RB1: variants seen among roughly 807,000 people sequenced by gnomAD.
The protein encoded by RB1 is retinoblastoma-associated protein.
A neutral mutation model predicts 135.4 loss-of-function variants in RB1; 18 were observed. That is an observed-to-expected ratio of 0.13 (90% CI 0.09 to 0.20). The LOEUF (loss-of-function observed/expected upper bound fraction) is 0.20. Ranked by LOEUF, RB1 falls within the 10% of genes least tolerant of loss-of-function variation. The pLI is 1.00. For synonymous variants in RB1, 365 were observed against 373.2 expected, an observed-to-expected ratio of 0.98 and a Z score of 0.25; for missense variants, 868 against 1,110.0, an observed-to-expected ratio of 0.78 and a Z score of 3.10.
In RB1 at chr13:48,475,667, C is replaced by T. The variant is rs546370062; in HGVS notation, c.2521-1034C>T. On this transcript the variant is annotated intron_variant, in intron 24 of 26. Transcript: ENST00000267163. ...GAAGCAAGACAACAGTAGATCTAGC[C>T]CACACACGAGGGGAGGAGGATCACA... 7.9e-5 allele frequency among the ~76,000 whole-genome samples: 12 copies of T among 152,226 alleles called. No individual in the cohort carries two copies. The South Asian group carries it at 1.2e-3, about 16-fold the overall frequency.
intron 17 of RB1, chr13:48,423,914 C>T (rs1055589883): frequency 2.6e-5 from 4 of 152,390 alleles, no homozygotes; most frequent in Admixed American, 6.5e-5. Context: ...CATAACGAGA[C>T]ACTGTCTCTT....
chr13:48,412,482 G>A lies in RB1; in HGVS notation c.1695+31039G>A. 5 of 1,117,812 alleles carry A rather than the reference G, an allele frequency of 4.5e-6. No homozygotes were observed. In the South Asian group the frequency reaches 6.2e-5, roughly 14 times the overall value. 69.2% of individuals were successfully genotyped at this position (1,117,812 alleles called of 1,614,324 possible). ...ACTTTCATCAGCTGCAGTCTCCTTT[G>A]GGATTCAGATTATAACCTCTATAAC... On this transcript the variant is annotated intron_variant, in intron 17 of 26. Coordinates refer to ENST00000267163, the MANE Select transcript of RB1 (RefSeq NM_000321.3).
chr13:48,464,735 G>A (rs2138343978), intron 21 of RB1, among the ~76,000 whole-genome samples: 1 of 152,064 alleles, frequency 6.6e-6, no homozygotes, highest in East Asian at 1.9e-4. Context: ...TTCTTGGATG[G>A]CCAGCTCTTC....
chr13:48,324,404 A>G (rs866784666), intron 2 of RB1, among the ~76,000 whole-genome samples: 3 of 148,416 alleles, frequency 2.0e-5, no homozygotes. Flanking sequence ...GGTAATCATC[A>G]TTCTACTCTG....
intron 9 of RB1, among the ~76,000 whole-genome samples, chr13:48,365,651 A>G (rs1787775517): frequency 6.6e-6 from 1 of 152,246 alleles, no homozygotes; most frequent in Non-Finnish European, 1.5e-5. Flanking sequence ...TATGACCAAA[A>G]GGCATGAAAT....
chr13:48,473,342 T>C lies in RB1; in HGVS notation c.2490-18T>C, dbSNP rs1949483936. The C allele has an allele frequency of 1.3e-6, 2 of 1,563,290 alleles. No homozygotes were observed. The highest frequency in any genetic ancestry group is 4.5e-5 in the East Asian group (2 of 44,450). ...ATGGTTTTTTATTACTAATTGGTAT[T>C]TCATCTTAACTTGACAGAATCTTAG... On this transcript the variant is annotated intron_variant, in intron 23 of 26. Coordinates refer to ENST00000267163, the MANE Select transcript of RB1 (RefSeq NM_000321.3).
At chr13:48,373,567 G>C in intron 12 of RB1, 75 bp downstream of exon 12, 1 of 959,806 alleles carries the variant, frequency 1.0e-6, no homozygotes, top group Non-Finnish European at 1.7e-6. Context: ...AAAGTACTGA[G>C]TTCTTTTTAA....
intron 17 of RB1, chr13:48,411,726 A>C: frequency 6.2e-7 from 1 of 1,606,916 alleles, no homozygotes; most frequent in Non-Finnish European, 8.5e-7. Context: ...GATCAAATGT[A>C]CAAAAATCAT....
At chr13:48,412,306 A>G (rs1948827744) in intron 17 of RB1, 19 of 1,613,358 alleles carry the variant, frequency 1.2e-5, no homozygotes, top group Middle Eastern at 1.6e-4. Context: ...ATGAAAATGT[A>G]TATGGCAACA....
At chr13:48,420,744 T>A (rs138687108) in intron 17 of RB1, among the ~76,000 whole-genome samples, 1,649 of 151,978 alleles carry the variant, frequency 0.011, 30 homozygotes, top group African/African-American at 0.038. Flanking sequence ...ACAACAATAA[T>A]AGACAAACAG....
At chr13:48,477,930 TG>T (rs1949514036) in intron 26 of RB1, among the ~76,000 whole-genome samples, 1 of 152,140 alleles carries the variant, frequency 6.6e-6, no homozygotes, top group Non-Finnish European at 1.5e-5. Flanking sequence ...AGTGATATCA[TG>T]TTAGGGTAAG....
chr13:48,394,506 GA>G (rs1322587736), intron 17 of RB1, among the ~76,000 whole-genome samples: 1 of 152,220 alleles, frequency 6.6e-6, no homozygotes, highest in Non-Finnish European at 1.5e-5. Flanking sequence ...CCACTGGCTT[GA>G]AATTCTCGCT....
rs1952217086 is a variant in RB1, at chr13:48,319,631, C to T, written c.264+12225C>T. 3.9e-6 allele frequency: 1 copy of T among 256,936 alleles called. No individual in the cohort carries two copies. The highest frequency in any genetic ancestry group is 7.9e-6 in the Non-Finnish European group (1 of 126,130). The allele number at this position is 256,936 out of a possible 1,614,324, so 15.9% of individuals were successfully genotyped here. A position where few individuals can be genotyped will look rare whatever the true frequency, so the allele number is the denominator to read the frequency against. On this transcript the variant is annotated intron_variant, in intron 2 of 26. Transcript: ENST00000267163. The surrounding 1 kb of genome is among the most constrained non-coding windows in gnomAD (Gnocchi z 5.0). ...ACCGGGGAGGTTTGCGAAAGGCGAA[C>T]TCTTTATGGGCGCCCTTCAGACCCT...
intron 2 of RB1, among the ~76,000 whole-genome samples, chr13:48,330,026 A>G (rs1952319356): frequency 6.6e-6 from 1 of 152,146 alleles, no homozygotes; most frequent in Non-Finnish European, 1.5e-5. Flanking sequence ...AAATAACAGG[A>G]AAACTGGGAA....
In RB1 at chr13:48,411,289, A is replaced by G. The variant is rs1593479781; in HGVS notation, c.1695+29846A>G. 3.2e-6 allele frequency: 3 copies of G among 952,358 alleles called. No homozygotes were observed. The East Asian group carries it at 7.2e-5, about 23-fold the overall frequency. The allele number at this position is 952,358 out of a possible 1,614,324, so 59.0% of individuals were successfully genotyped here. On this transcript the variant is annotated intron_variant, in intron 17 of 26. Transcript: ENST00000267163. ...AAAGACTTTAAAATGTCCATGTGTT[A>G]ATTTCTTTTGGAGGTGGAAAAATAG...
Position 48,319,334 on chromosome 13 carries a change from G to A in RB1, c.264+11928G>A. ...GCTGGGCCCTCTGGGGCAGGTCCCC[G>A]TTGGCCTCCTTGCGTGTTTGCCGCA... On this transcript the variant is annotated intron_variant, in intron 2 of 26. Coordinates refer to ENST00000267163, the MANE Select transcript of RB1 (RefSeq NM_000321.3). This position sits in a 1 kb window ranked among gnomAD's most constrained non-coding sequence, Gnocchi z 5.0. The A allele has an allele frequency of 1.8e-6, 1 of 544,742 alleles. No homozygotes were observed. Among genetic ancestry groups the A allele is most frequent in the Non-Finnish European group, 3.2e-6 (1 of 308,314 alleles). The allele number at this position is 544,742 out of a possible 1,614,324, so 33.7% of individuals were successfully genotyped here. A position where few individuals can be genotyped will look rare whatever the true frequency, so the allele number is the denominator to read the frequency against.
At chr13:48,380,548 A>G (rs1231114865) in intron 16 of RB1, among the ~76,000 whole-genome samples, 1 of 152,188 alleles carries the variant, frequency 6.6e-6, no homozygotes, top group Admixed American at 6.5e-5. Flanking sequence ...GTGCCAAAGG[A>G]GTATTCAAGA....
intron 6 of RB1, among the ~76,000 whole-genome samples, chr13:48,352,901 G>T (rs1952560082): frequency 6.6e-6 from 1 of 152,114 alleles, no homozygotes; most frequent in Admixed American, 6.6e-5. Context: ...TTGAATAGGA[G>T]TGGTGAAAAA....
chr13:48,308,593 C>T (rs1952106216), intron 2 of RB1, among the ~76,000 whole-genome samples: 1 of 151,320 alleles, frequency 6.6e-6, no homozygotes, highest in East Asian at 1.9e-4. Context: ...GCAGAGTTTG[C>T]AGTGAGCCGT....
Sources: allele counts gnomAD v4.1 joint callset (sites outside exome capture counted in the v4.1 genomes callset), GRCh38; gene constraint gnomAD v4.1.1; non-coding constraint Gnocchi (gnomAD v3.1); transcripts MANE v1.5; gene names NCBI Gene and HGNC (gene_info 2026-07-23, HGNC 2026-07-21).